The following RAP1A variants were observed in gnomAD, a reference collection of about 807,000 sequenced individuals.
RAP1A encodes the protein ras-related protein Rap-1A.
Under a neutral mutation model 26.4 loss-of-function variants are expected in RAP1A, and 6 were observed. That is an observed-to-expected ratio of 0.23 (90% CI 0.12 to 0.45). The LOEUF is 0.45. Among genes scored for constraint, RAP1A ranks in the 20% least tolerant of loss-of-function variants. The probability of loss-of-function intolerance (pLI) is 0.99; values close to 1 mark genes in which losing one functional copy is unlikely to be tolerated. For missense variants in RAP1A, 121 were observed against 217.2 expected (o/e 0.56, Z 2.78); for synonymous variants, 73 against 79.4 (o/e 0.92, Z 0.43).
At chr1:111,698,211 A>G (rs1293555865) in intron 4 of RAP1A, among the ~76,000 whole-genome samples, 1 of 151,994 alleles carries the variant, frequency 6.6e-6, no homozygotes, top group Non-Finnish European at 1.5e-5. Flanking sequence ...TTCTTTGTTT[A>G]TTTTTCTCCA....
chr1:111,624,632 C>A (rs1240172568), intron 1 of RAP1A, among the ~76,000 whole-genome samples: 1 of 152,084 alleles, frequency 6.6e-6, no homozygotes, highest in Non-Finnish European at 1.5e-5. Flanking sequence ...GCTGTCATTT[C>A]TGCTTGAAAA....
At chr1:111,542,756 G>A (rs954550310) in intron 1 of RAP1A, among the ~76,000 whole-genome samples, 2 of 151,928 alleles carry the variant, frequency 1.3e-5, no homozygotes, top group African/African-American at 4.8e-5. Context: ...GAGTGCAGTG[G>A]TTCTGTCTTG....
intron 1 of RAP1A, among the ~76,000 whole-genome samples, chr1:111,664,630 C>A (rs1660748248): frequency 6.6e-6 from 1 of 152,158 alleles, no homozygotes; most frequent in East Asian, 1.9e-4. Context: ...AGTGAAAAAT[C>A]TCTTTTCTTT....
chr1:111,694,950 A>AC (rs1339086992), intron 2 of RAP1A, among the ~76,000 whole-genome samples: 1 of 152,078 alleles, frequency 6.6e-6, no homozygotes, highest in Non-Finnish European at 1.5e-5. Context: ...AAAAATTAGA[A>AC]CCTTTGTCAC....
intron 1 of RAP1A, among the ~76,000 whole-genome samples, chr1:111,679,006 T>C (rs556072446): frequency 1.3e-5 from 2 of 152,170 alleles, no homozygotes; most frequent in Non-Finnish European, 2.9e-5. Flanking sequence ...GTAAATGCAG[T>C]AAAAGCATTT....
rs114794592 is a variant in RAP1A, at chr1:111,593,489, C to T, written c.-28+50980C>T. On this transcript the variant is annotated intron_variant, in intron 1 of 7. Transcript: ENST00000356415. ...TTGAAGTGTAGTGGTGGAGCTGGAT[C>T]GCCACCTCAAAGCTAAGGCTCCAGG... Among the ~76,000 whole-genome samples, 7 of 151,942 alleles carry T rather than the reference C, an allele frequency of 4.6e-5. No homozygotes were observed. In the South Asian group the frequency reaches 8.3e-4, roughly 18 times the overall value.
At chr1:111,558,442 C>T (rs1012816473) in intron 1 of RAP1A, among the ~76,000 whole-genome samples, 2 of 152,094 alleles carry the variant, frequency 1.3e-5, no homozygotes, top group Admixed American at 6.5e-5. Context: ...CTGCCTCAGC[C>T]TCCCAAAGTG....
chr1:111,572,871 TA>T (rs1658075959), intron 1 of RAP1A, among the ~76,000 whole-genome samples: 1 of 152,184 alleles, frequency 6.6e-6, no homozygotes, highest in Admixed American at 6.5e-5. Flanking sequence ...ACCCAACAAT[TA>T]TTTTTTTCTG....
At chr1:111,683,447 A>T (rs1383582707) in intron 1 of RAP1A, among the ~76,000 whole-genome samples, 1 of 152,192 alleles carries the variant, frequency 6.6e-6, no homozygotes, top group African/African-American at 2.4e-5. Flanking sequence ...AAAGAGAAGA[A>T]TCAAATAGAT....
At position 111,716,224 on chromosome 1, in the gene RAP1A, T is replaced by A. The variant is rs991316451; in HGVS notation, c.*3823T>A. 2 of 152,210 alleles carry A rather than the reference T, an allele frequency of 1.3e-5. No homozygotes were observed. Among genetic ancestry groups the A allele is most frequent in the African/African-American group, 4.8e-5 (2 of 41,468 alleles). 9.4% of individuals were successfully genotyped at this position (152,210 alleles called of 1,614,324 possible). ...TTCTTGTCCAGGGTCTGGAAAGAGC[T>A]CATCTTGCCGAGAGGGAAATAAATG... On this transcript the variant is annotated 3_prime_UTR_variant, in exon 8 of 8. Coordinates refer to ENST00000369709, the MANE Select transcript of RAP1A (RefSeq NM_002884.4).
intron 1 of RAP1A, among the ~76,000 whole-genome samples, chr1:111,613,583 G>C (rs1658963744): frequency 6.6e-6 from 1 of 152,146 alleles, no homozygotes; most frequent in African/African-American, 2.4e-5. Context: ...GGCAGTAAGT[G>C]GCCAACATGA....
intron 2 of RAP1A, among the ~76,000 whole-genome samples, chr1:111,692,999 C>T (rs529643442): frequency 1.3e-5 from 2 of 152,104 alleles, no homozygotes; most frequent in African/African-American, 4.8e-5. Context: ...TGGAAAAAGT[C>T]CATAGGAGTG....
intron 1 of RAP1A, among the ~76,000 whole-genome samples, chr1:111,682,596 AATG>A (rs1212499298): frequency 6.6e-6 from 1 of 152,186 alleles, no homozygotes; most frequent in African/African-American, 2.4e-5. Context: ...GGCATTACAT[AATG>A]ATAAAGGGAT....
chr1:111,577,064 G>T (rs76273741), intron 1 of RAP1A, among the ~76,000 whole-genome samples: 4,786 of 152,210 alleles, frequency 0.031, 262 homozygotes, highest in African/African-American at 0.11. Flanking sequence ...GGATGTTTAT[G>T]TTTTTAGTGG....
At chr1:111,567,710 C>G (rs1396206707) in intron 1 of RAP1A, among the ~76,000 whole-genome samples, 7 of 152,150 alleles carry the variant, frequency 4.6e-5, no homozygotes, top group Non-Finnish European at 7.4e-5. Context: ...CTTACTCTTT[C>G]TCTATCTTCC....
intron 1 of RAP1A, among the ~76,000 whole-genome samples, chr1:111,580,803 T>C (rs1416584650): frequency 1.3e-5 from 2 of 151,368 alleles, no homozygotes; most frequent in African/African-American, 4.9e-5. Flanking sequence ...GCCGAGATCG[T>C]GCCACTGCAC....
chr1:111,567,554 A>G (rs918459336), intron 1 of RAP1A, among the ~76,000 whole-genome samples: 2 of 152,184 alleles, frequency 1.3e-5, no homozygotes, highest in Non-Finnish European at 2.9e-5. Flanking sequence ...CCTAGCCCCA[A>G]AGGTAACTGT....
At chr1:111,708,209 T>C (rs973788342) in intron 6 of RAP1A, among the ~76,000 whole-genome samples, 7 of 151,516 alleles carry the variant, frequency 4.6e-5, no homozygotes, top group African/African-American at 1.7e-4. Flanking sequence ...CACAAATATT[T>C]GTTATTTCAA....
At chr1:111,657,237 TC>T (rs1660490261) in intron 1 of RAP1A, among the ~76,000 whole-genome samples, 1 of 152,190 alleles carries the variant, frequency 6.6e-6, no homozygotes, top group South Asian at 2.1e-4. Context: ...TTTATATCTT[TC>T]CCCATGTGGG....
Sources: allele counts gnomAD v4.1 joint callset (sites outside exome capture counted in the v4.1 genomes callset), GRCh38; gene constraint gnomAD v4.1.1; transcripts MANE v1.5; gene names NCBI Gene and HGNC (gene_info 2026-07-23, HGNC 2026-07-21).